Variants in AP3B1 observed in about 807,000 individuals in gnomAD.
AP3B1 encodes the protein adaptor related protein complex 3 subunit beta 1, also known as AP-3 complex subunit beta-1.
In AP3B1, 61 loss-of-function variants were observed where a neutral mutation model predicts 132.5. The observed-to-expected ratio is 0.46, with a 90% CI of 0.37 to 0.57. The LOEUF is 0.57. AP3B1 is among the 20% of genes least tolerant of loss of function. AP3B1 has a pLI of 0.00. For missense variants in AP3B1, 1,120 were observed against 1,289.4 expected (o/e 0.87, Z 2.01); for synonymous variants, 388 against 438.3 (o/e 0.89, Z 1.43).
intron 22 of AP3B1, among the ~76,000 whole-genome samples, chr5:78,051,456 A>G (rs1386058889): frequency 6.6e-6 from 1 of 152,168 alleles, no homozygotes; most frequent in Non-Finnish European, 1.5e-5. Flanking sequence ...AAGTTGTAAA[A>G]CTTCTTTTGA....
chr5:78,245,859 G>A (rs4076917), intron 2 of AP3B1, among the ~76,000 whole-genome samples: 3,914 of 152,202 alleles, frequency 0.026, 175 homozygotes, highest in African/African-American at 0.086. Context: ...ATTTTATTTG[G>A]TTGAAGTTCC....
chr5:78,104,408 T>C (rs1751250849), intron 20 of AP3B1, among the ~76,000 whole-genome samples: 1 of 152,150 alleles, frequency 6.6e-6, no homozygotes, highest in Non-Finnish European at 1.5e-5. Context: ...GGCATTCACT[T>C]CCTTTCAAAG....
chr5:78,160,557 A>G (rs1743347721), intron 13 of AP3B1, among the ~76,000 whole-genome samples: 1 of 152,122 alleles, frequency 6.6e-6, no homozygotes, highest in African/African-American at 2.4e-5. Flanking sequence ...ACATATTTAA[A>G]AACAATTGAG....
rs902282730 is a variant in AP3B1, at chr5:78,217,001, A to C, written c.604-764T>G. Reference sequence around the variant, plus strand: ...TAAAGACACAAACTAAGCAGAATATATATTATACAAATACTTCTCTATACG... The same window carrying C: ...TAAAGACACAAACTAAGCAGAATATCTATTATACAAATACTTCTCTATACG... On this transcript the variant is annotated intron_variant, in intron 6 of 26. Transcript: ENST00000255194. 2.2e-4 allele frequency among the ~76,000 whole-genome samples: 34 copies of C among 152,246 alleles called. 1 individual carries two copies. Among genetic ancestry groups the C allele is most frequent in the African/African-American group, 8.2e-4 (34 of 41,556 alleles).
chr5:78,233,006 C>T (rs553764553), intron 3 of AP3B1, among the ~76,000 whole-genome samples: 30 of 152,218 alleles, frequency 2.0e-4, no homozygotes, highest in African/African-American at 6.3e-4. Context: ...CACACCCGGC[C>T]GCCTTCATCT....
intron 21 of AP3B1, among the ~76,000 whole-genome samples, chr5:78,099,036 G>T (rs1751019206): frequency 6.6e-6 from 1 of 152,134 alleles, no homozygotes; most frequent in Admixed American, 6.5e-5. Flanking sequence ...AGGTTATAGG[G>T]GTTCTACCCT....
At position 78,002,866 on chromosome 5, in the gene AP3B1, T is replaced by C. The variant is rs763841787; in HGVS notation, c.*36A>G. 22 of 1,613,380 alleles carry C rather than the reference T, an allele frequency of 1.4e-5. No homozygotes were observed. Among genetic ancestry groups the C allele is most frequent in the South Asian group, 1.3e-4 (12 of 91,078 alleles). On this transcript the variant is annotated 3_prime_UTR_variant, in exon 27 of 27. Coordinates refer to ENST00000255194, the MANE Select transcript of AP3B1 (RefSeq NM_003664.5). ...CAGTAGTGGATGCCAGGCACTTTTG[T>C]TGTGTGCCAGATTCTAAAGTCCAGA...
At chr5:78,012,159 T>C (rs1037369011) in intron 26 of AP3B1, among the ~76,000 whole-genome samples, 4 of 151,866 alleles carry the variant, frequency 2.6e-5, no homozygotes, top group Non-Finnish European at 5.9e-5. Flanking sequence ...TCATTAGCAA[T>C]TAAATAATAT....
At chr5:78,040,692 T>G (rs1748039051) in intron 22 of AP3B1, among the ~76,000 whole-genome samples, 2 of 152,158 alleles carry the variant, frequency 1.3e-5, no homozygotes, top group South Asian at 4.1e-4. Flanking sequence ...AAAATCAATT[T>G]GTAATTAAAC....
chr5:78,211,665 A>T (rs1745744141), intron 7 of AP3B1, among the ~76,000 whole-genome samples: 1 of 152,242 alleles, frequency 6.6e-6, no homozygotes, highest in Non-Finnish European at 1.5e-5. Flanking sequence ...GAGCAAATTT[A>T]ATTATGGTTG....
intron 1 of AP3B1, among the ~76,000 whole-genome samples, chr5:78,268,305 G>C (rs148337085): frequency 3.4e-4 from 51 of 151,928 alleles, no homozygotes; most frequent in Middle Eastern, 3.4e-3. Flanking sequence ...TCTACTTTTT[G>C]CTGTATTTTC....
chr5:78,054,065 A>G (rs938751763), intron 22 of AP3B1, among the ~76,000 whole-genome samples: 2 of 152,206 alleles, frequency 1.3e-5, no homozygotes. Context: ...ACTAGCACCT[A>G]TCTTTCAGGG....
At position 78,116,231 on chromosome 5, in the gene AP3B1, T is replaced by C. The variant is rs1357683810; in HGVS notation, c.1972A>G (p.Lys658Glu). The change falls in exon 18 of 27, where the codon AAA (lysine) becomes GAA (glutamate). Residue 658 changes from lysine (K) to glutamate (E), a missense_variant. Physicochemically the swap from Lys to Glu is moderately conservative, Grantham distance 56. This residue lies in a region of AP3B1 where 906 missense variants were observed against 997.1 expected (regional missense o/e 0.91). Coordinates refer to ENST00000255194, the MANE Select transcript of AP3B1 (RefSeq NM_003664.5). ...VRNVEVIELA[K>E]EWTPAGKAKQ... is the part of the protein sequence containing the mutation. ...GCTTTTCCTGCTGGGGTCCATTCTT[T>C]TGCCTGTTTAAACAAATAAAGTAAA... 10 of 1,611,656 alleles carry C rather than the reference T, an allele frequency of 6.2e-6. No homozygotes were observed. The highest frequency in any genetic ancestry group is 8.5e-6 in the Non-Finnish European group (10 of 1,178,144).
At chr5:78,062,031 T>G (rs1350454288) in intron 22 of AP3B1, among the ~76,000 whole-genome samples, 1 of 152,228 alleles carries the variant, frequency 6.6e-6, no homozygotes, top group South Asian at 2.1e-4. Context: ...ACTACAAGGA[T>G]ACACAGTATG....
intron 22 of AP3B1, among the ~76,000 whole-genome samples, chr5:78,040,887 A>G (rs1461153439): frequency 6.6e-6 from 1 of 152,218 alleles, no homozygotes; most frequent in Non-Finnish European, 1.5e-5. Flanking sequence ...TAAATATCAT[A>G]TATACAAAAT....
At chr5:78,083,157 T>A (rs1750089908) in intron 22 of AP3B1, among the ~76,000 whole-genome samples, 1 of 152,126 alleles carries the variant, frequency 6.6e-6, no homozygotes, top group Non-Finnish European at 1.5e-5. Flanking sequence ...AGACTCTGAT[T>A]TTTCCATAAA....
chr5:78,291,420 G>GAAAAAAAAAA (rs5868911), intron 1 of AP3B1, among the ~76,000 whole-genome samples: 17 of 85,698 alleles, frequency 2.0e-4, no homozygotes, highest in Non-Finnish European at 2.3e-4. Flanking sequence ...CAGATAATTT[G>GAAAAAAAAAA]AAAAAAAAAA....
chr5:78,015,292 G>GTA, intron 26 of AP3B1, 118 bp downstream of exon 26: 1 of 1,074,790 alleles, frequency 9.3e-7, no homozygotes, highest in Non-Finnish European at 1.4e-6. Flanking sequence ...AAGGGAGTGT[G>GTA]TGTATATATA....
chr5:78,082,960 C>T (rs1345823863), intron 22 of AP3B1, among the ~76,000 whole-genome samples: 2 of 151,996 alleles, frequency 1.3e-5, no homozygotes, highest in East Asian at 1.9e-4. Flanking sequence ...GGATTACAGG[C>T]ACACGCCACC....
Sources: allele counts gnomAD v4.1 joint callset (sites outside exome capture counted in the v4.1 genomes callset), GRCh38; gene constraint gnomAD v4.1.1; regional missense constraint gnomAD v4.1.1; transcripts MANE v1.5; gene names NCBI Gene and HGNC (gene_info 2026-07-23, HGNC 2026-07-21).